The following WDR72 variants were observed in gnomAD, a reference collection of about 807,000 sequenced individuals.
WDR72 encodes WD repeat-containing protein 72.
In WDR72, 120 loss-of-function variants were observed where a neutral mutation model predicts 124.2. The ratio of observed to expected loss-of-function variants is 0.97; its 90% CI spans 0.83 to 1.12. The LOEUF (loss-of-function observed/expected upper bound fraction) is 1.12, where lower values mean the gene tolerates loss of function less well. Ranked by LOEUF, WDR72 falls within the 50% of genes most tolerant of loss-of-function variation. The pLI is 0.00. For missense variants in WDR72, 1,387 were observed against 1,278.8 expected, an observed-to-expected ratio of 1.08 and a Z score of -1.29; for synonymous variants, 452 against 441.7, an observed-to-expected ratio of 1.02 and a Z score of -0.29.
chr15:53,549,923 T>C (rs547090604), intron 18 of WDR72, among the ~76,000 whole-genome samples: 1 of 152,332 alleles, frequency 6.6e-6, no homozygotes, highest in South Asian at 2.1e-4. Flanking sequence ...AGAGTTATTT[T>C]GCCCATCTGT....
At chr15:53,741,515 C>A (rs1464786661) in intron 1 of WDR72, among the ~76,000 whole-genome samples, 1 of 152,112 alleles carries the variant, frequency 6.6e-6, no homozygotes, top group East Asian at 1.9e-4. Context: ...AGGTTACTAC[C>A]ACCTGAGCTG....
intron 14 of WDR72, among the ~76,000 whole-genome samples, chr15:53,621,643 A>G (rs928813774): frequency 2.0e-5 from 3 of 151,930 alleles, no homozygotes; most frequent in Non-Finnish European, 4.4e-5. Flanking sequence ...CACAGGGGGA[A>G]AAGGTGGGAA....
chr15:53,736,620 T>G (rs926725024), intron 1 of WDR72, among the ~76,000 whole-genome samples: 6 of 152,122 alleles, frequency 3.9e-5, no homozygotes, highest in Admixed American at 6.5e-5. Context: ...GCATGCACAC[T>G]GAGGGGTGTT....
At chr15:53,519,508 T>C (rs74015398) in intron 19 of WDR72, among the ~76,000 whole-genome samples, 7,544 of 152,120 alleles carry the variant, frequency 0.05, 418 homozygotes, top group African/African-American at 0.14. Context: ...CAAGTAGACT[T>C]CACAGAGTCT....
At chr15:53,657,127 G>C (rs1420117334) in intron 14 of WDR72, among the ~76,000 whole-genome samples, 1 of 151,786 alleles carries the variant, frequency 6.6e-6, no homozygotes, top group African/African-American at 2.4e-5. Flanking sequence ...AGCCGGTTGT[G>C]GTGGCATGCA....
intron 14 of WDR72, among the ~76,000 whole-genome samples, chr15:53,645,142 C>G (rs1487703728): frequency 6.6e-6 from 1 of 152,120 alleles, no homozygotes; most frequent in South Asian, 2.1e-4. Flanking sequence ...TATATCAGCC[C>G]TGATGCTCCA....
At chr15:53,682,750 G>A (rs1405720722) in intron 13 of WDR72, among the ~76,000 whole-genome samples, 1 of 152,074 alleles carries the variant, frequency 6.6e-6, no homozygotes, top group Non-Finnish European at 1.5e-5. Flanking sequence ...GTCTTCTTCT[G>A]AGCCCTGTAA....
chr15:53,701,548 C>CTT, intron 12 of WDR72, among the ~76,000 whole-genome samples: 1 of 108,064 alleles, frequency 9.3e-6, no homozygotes, highest in Non-Finnish European at 2.2e-5. Flanking sequence ...CTCTCTCTCT[C>CTT]TCTCTCTCTC....
At position 53,517,214 on chromosome 15, in the gene WDR72, A is replaced by G. The variant is rs1164839724; in HGVS notation, c.*485T>C. 1 of 170,502 alleles carries G rather than the reference A, an allele frequency of 5.9e-6. No individual in the cohort carries two copies. The highest frequency in any genetic ancestry group is 2.4e-5 in the African/African-American group (1 of 41,572). The allele number at this position is 170,502 out of a possible 1,614,324, so 10.6% of individuals were successfully genotyped here. A position where few individuals can be genotyped will look rare whatever the true frequency, so the allele number is the denominator to read the frequency against. ...CAGTAATTGATCCGAATTAAAGCAT[A>G]TCCACTAAAACAAAATATCCTAACC... On this transcript the variant is annotated 3_prime_UTR_variant, in exon 20 of 20. Coordinates refer to ENST00000360509, the MANE Select transcript of WDR72 (RefSeq NM_182758.4).
intron 1 of WDR72, among the ~76,000 whole-genome samples, chr15:53,758,002 TCTC>T (rs2018958549): frequency 6.8e-6 from 1 of 147,688 alleles, no homozygotes; most frequent in Non-Finnish European, 1.5e-5. Flanking sequence ...TCTCTCTCTC[TCTC>T]TCTTTTTCTC....
chr15:53,538,819 C>T (rs1366152050), intron 18 of WDR72, among the ~76,000 whole-genome samples: 1 of 152,050 alleles, frequency 6.6e-6, no homozygotes, highest in African/African-American at 2.4e-5. Context: ...TCTGATCCTT[C>T]TATAAAAGCA....
chr15:53,576,961 C>G (rs927977198), intron 18 of WDR72, among the ~76,000 whole-genome samples: 10 of 152,124 alleles, frequency 6.6e-5, no homozygotes, highest in African/African-American at 2.4e-4. Flanking sequence ...CTAAGTCAAA[C>G]AGAATGTACT....
At chr15:53,535,002 C>G (rs945906878) in intron 18 of WDR72, among the ~76,000 whole-genome samples, 1 of 151,536 alleles carries the variant, frequency 6.6e-6, no homozygotes, top group African/African-American at 2.4e-5. Flanking sequence ...TATTTCATTC[C>G]ACAGAGAGGG....
At chr15:53,683,615 G>A (rs1251421433) in intron 13 of WDR72, among the ~76,000 whole-genome samples, 2 of 151,998 alleles carry the variant, frequency 1.3e-5, no homozygotes, top group African/African-American at 4.8e-5. Context: ...TATTTTACAT[G>A]TACCTATTTC....
intron 14 of WDR72, among the ~76,000 whole-genome samples, chr15:53,629,191 C>T (rs202145379): frequency 1.2e-4 from 16 of 135,720 alleles, no homozygotes; most frequent in African/African-American, 5.9e-5. Context: ...AGAGAGACAG[C>T]GAGAGAGAGA....
At chr15:53,657,299 A>G (rs1312023405) in intron 14 of WDR72, among the ~76,000 whole-genome samples, 1 of 150,826 alleles carries the variant, frequency 6.6e-6, no homozygotes, top group Non-Finnish European at 1.5e-5. Context: ...AGAAAGAAGG[A>G]AAAAAGAAAT....
At chr15:53,525,128 C>T (rs1892038656) in intron 18 of WDR72, among the ~76,000 whole-genome samples, 1 of 151,964 alleles carries the variant, frequency 6.6e-6, no homozygotes, top group Non-Finnish European at 1.5e-5. Context: ...TCTTAATTTT[C>T]TTCAGTTTAG....
intron 1 of WDR72, among the ~76,000 whole-genome samples, chr15:53,737,761 T>G (rs1271368229): frequency 6.6e-6 from 1 of 152,110 alleles, no homozygotes; most frequent in Non-Finnish European, 1.5e-5. Context: ...CAACAAAAAT[T>G]TAAGGATATT....
chr15:53,732,512 G>A (rs570164149), intron 2 of WDR72, among the ~76,000 whole-genome samples: 1 of 152,240 alleles, frequency 6.6e-6, no homozygotes, highest in East Asian at 1.9e-4. Context: ...TGGATTTAGA[G>A]CATTTTGATG....
Sources: allele counts gnomAD v4.1 joint callset (sites outside exome capture counted in the v4.1 genomes callset), GRCh38; gene constraint gnomAD v4.1.1; transcripts MANE v1.5; gene names NCBI Gene and HGNC (gene_info 2026-07-23, HGNC 2026-07-21).